Variants in NDEL1 observed in about 807,000 individuals in gnomAD.
NDEL1 encodes the protein nudE neurodevelopment protein 1 like 1, also known as nuclear distribution protein nudE-like 1.
Under a neutral mutation model 45.7 loss-of-function variants are expected in NDEL1, and 9 were observed. The observed-to-expected ratio is 0.20, with a 90% CI of 0.12 to 0.34. The LOEUF (loss-of-function observed/expected upper bound fraction) is 0.34. Ranked by LOEUF, NDEL1 falls within the 10% of genes least tolerant of loss-of-function variation. NDEL1 has a pLI of 1.00. For missense variants in NDEL1, 306 were observed against 406.2 expected (o/e 0.75, Z 2.12); for synonymous variants, 133 against 158.6 (o/e 0.84, Z 1.21).
chr17:8,442,215 G>A (rs1010695130), intron 1 of NDEL1, among the ~76,000 whole-genome samples: 2 of 151,886 alleles, frequency 1.3e-5, no homozygotes, highest in South Asian at 2.1e-4. Flanking sequence ...CCCATGTATC[G>A]GATTAATAAT....
chr17:8,435,498 G>A (rs917686630), upstream of NDEL1, among the ~76,000 whole-genome samples: 1 of 152,218 alleles, frequency 6.6e-6, no homozygotes, highest in African/African-American at 2.4e-5. Flanking sequence ...TGTTCCATTG[G>A]GTGTTCGAGC....
At chr17:8,431,928 T>C (rs1322820870), upstream of NDEL1, 1 of 151,130 alleles carries the variant, frequency 6.6e-6, no homozygotes, top group Non-Finnish European at 1.5e-5. Context: ...GGCATGATCT[T>C]GGCTCACTGC....
upstream of NDEL1, among the ~76,000 whole-genome samples, chr17:8,435,502 T>C (rs184801850): frequency 3.9e-5 from 6 of 152,326 alleles, no homozygotes; most frequent in Admixed American, 1.3e-4. Context: ...CCATTGGGTG[T>C]TCGAGCAGGG....
At chr17:8,469,020 A>AC (rs973547860), downstream of NDEL1, among the ~76,000 whole-genome samples, 1 of 152,050 alleles carries the variant, frequency 6.6e-6, no homozygotes, top group African/African-American at 2.4e-5. Context: ...ACCCACAAAA[A>AC]CCCTGAGTGA....
chr17:8,455,096 C>T (rs1910743664), intron 7 of NDEL1, among the ~76,000 whole-genome samples: 3 of 152,202 alleles, frequency 2.0e-5, no homozygotes. Flanking sequence ...CTCTGAGGTT[C>T]CCACCGGGGC....
chr17:8,448,936 CTG>C (rs1392231068), intron 5 of NDEL1, among the ~76,000 whole-genome samples: 2 of 152,166 alleles, frequency 1.3e-5, no homozygotes, highest in Admixed American at 6.5e-5. Context: ...TGAGGGACAA[CTG>C]TATTTATCCT....
At chr17:8,454,380 C>CAAAAA (rs879578656) in intron 6 of NDEL1, among the ~76,000 whole-genome samples, 1 of 136,360 alleles carries the variant, frequency 7.3e-6, no homozygotes, top group Non-Finnish European at 1.6e-5. Context: ...ATCAAATTGT[C>CAAAAA]AAAAAAAAAA....
chr17:8,427,718 C>G (rs1320798380), intron 1 of NDEL1, among the ~76,000 whole-genome samples: 3 of 151,942 alleles, frequency 2.0e-5, no homozygotes, highest in African/African-American at 7.3e-5. Context: ...AAAACAAAAA[C>G]AAAAAACAGA....
intron 7 of NDEL1, among the ~76,000 whole-genome samples, 192 bp downstream of exon 7, chr17:8,455,079 C>T (rs905339722): frequency 2.0e-5 from 3 of 152,178 alleles, no homozygotes; most frequent in African/African-American, 7.2e-5. Context: ...AGAGCCTGTA[C>T]CTTGAACTCT....
chr17:8,424,410 A>ATCCTGTTGGACAATTTGCACC (rs1908776382), intron 1 of NDEL1, among the ~76,000 whole-genome samples: 1 of 152,256 alleles, frequency 6.6e-6, no homozygotes, highest in African/African-American at 2.4e-5. Flanking sequence ...CAATTTGCAC[A>ATCCTGTTGGACAATTTGCACC]CATCCTTAAT....
intron 1 of NDEL1, among the ~76,000 whole-genome samples, chr17:8,440,535 ATG>A (rs1909666471): frequency 6.6e-6 from 1 of 150,540 alleles, no homozygotes; most frequent in Admixed American, 6.6e-5. Flanking sequence ...AAAAAAAAGA[ATG>A]TGTGTGAAGT....
chr17:8,414,795 C>A (rs1447641725), intron 1 of NDEL1, among the ~76,000 whole-genome samples: 1 of 152,156 alleles, frequency 6.6e-6, no homozygotes, highest in Non-Finnish European at 1.5e-5. Context: ...GCTGGGATTA[C>A]AGGCTTGAGC....
At chr17:8,443,025 C>T (rs1018493524) in intron 1 of NDEL1, among the ~76,000 whole-genome samples, 5 of 151,374 alleles carry the variant, frequency 3.3e-5, no homozygotes, top group Admixed American at 1.3e-4. Context: ...GTGATCCGCC[C>T]GCCTCGGCCT....
rs752784633 is a variant in NDEL1 at position 8,417,575 on chromosome 17, G to A, written c.-13+4306G>A. On this transcript the variant is annotated intron_variant, in intron 1 of 4. Transcript: ENST00000582812. The stretch of plus-strand genomic sequence containing the variant: ...TGTGCGTGTGTCTGTATCTGGCCCT[G>A]GTTGTTGGATCTCTGTGTATGGTGA... 3.6e-4 allele frequency among the ~76,000 whole-genome samples: 55 copies of A among 152,314 alleles called. 1 individual carries two copies. The highest frequency in any genetic ancestry group is 6.9e-4 in the Non-Finnish European group (47 of 68,040).
At chr17:8,454,957 G>C in intron 7 of NDEL1, 70 bp downstream of exon 7, 1 of 1,364,666 alleles carries the variant, frequency 7.3e-7, no homozygotes, top group Non-Finnish European at 1.0e-6. Flanking sequence ...AATTTGAAGT[G>C]AGGGAAGAAA....
At chr17:8,427,897 G>C (rs891390257) in intron 1 of NDEL1, among the ~76,000 whole-genome samples, 1 of 152,074 alleles carries the variant, frequency 6.6e-6, no homozygotes, top group African/African-American at 2.4e-5. Flanking sequence ...CTCTATTTAA[G>C]GCATTTGCAT....
At position 8,460,152 on chromosome 17, in the gene NDEL1, C is replaced by T. The variant is rs775021856; in HGVS notation, c.936C>T (p.Phe312=). Residue 312 remains phenylalanine (F), a synonymous_variant, in exon 8 of 9, where the codon TTC becomes TTT. Coordinates refer to ENST00000334527, the MANE Select transcript of NDEL1 (RefSeq NM_030808.5). ...CTCGATCAGGGCATACATCTTTCTT[C>T]GACAAAGGGTAAGTCCTGAATGTTT... ...KFSRSGHTSF[F]DKGAVNGFDP... The T allele has an allele frequency of 1.1e-5, 17 of 1,611,768 alleles. No homozygotes were observed. The Admixed American group carries it at 1.2e-4, about 11-fold the overall frequency.
At chr17:8,451,086 A>G (rs1428980430) in intron 6 of NDEL1, 133 bp downstream of exon 6, 6 of 695,116 alleles carry the variant, frequency 8.6e-6, no homozygotes, top group Non-Finnish European at 1.3e-5. Context: ...GCTATGTGAA[A>G]TAGAAGAAGG....
At chr17:8,420,729 T>C (rs978500493) in intron 1 of NDEL1, among the ~76,000 whole-genome samples, 1 of 152,220 alleles carries the variant, frequency 6.6e-6, no homozygotes, top group Non-Finnish European at 1.5e-5. Flanking sequence ...ATTTTTCAAA[T>C]ATAAAATACC....
Sources: gnomAD v4.1 joint callset for allele counts (sites outside exome capture counted in the v4.1 genomes callset) on GRCh38, gnomAD v4.1.1 for gene constraint, MANE v1.5 for transcripts, NCBI Gene and HGNC (gene_info 2026-07-23, HGNC 2026-07-21) for gene names.